VPS53: variants seen among roughly 807,000 people sequenced by gnomAD.
The protein encoded by VPS53 is vacuolar protein sorting-associated protein 53 homolog.
A neutral mutation model predicts 107.0 loss-of-function variants in VPS53; 70 were observed. The ratio of observed to expected loss-of-function variants is 0.65; its 90% CI spans 0.54 to 0.80. VPS53 has a LOEUF of 0.80. Ranked by LOEUF, VPS53 falls within the 30% of genes least tolerant of loss-of-function variation. The pLI is 0.00. For missense variants in VPS53, 917 were observed against 1,049.4 expected (o/e 0.87, Z 1.74); for synonymous variants, 409 against 393.3 (o/e 1.04, Z -0.47).
At chr17:588,091 G>A (rs181322775) in intron 12 of VPS53, among the ~76,000 whole-genome samples, 5 of 152,316 alleles carry the variant, frequency 3.3e-5, no homozygotes, top group South Asian at 2.1e-4. Flanking sequence ...GCCAAGGTGG[G>A]CGGATCACAA....
intron 4 of VPS53, among the ~76,000 whole-genome samples, chr17:662,815 AAGAAAG>A (rs1222482694): frequency 2.0e-5 from 3 of 149,028 alleles, no homozygotes; most frequent in East Asian, 2.1e-4. Flanking sequence ...GAAAAAAAGA[AAGAAAG>A]AGAAAGAGAA....
In VPS53 at chr17:512,492, A is replaced by T. The variant is rs1908009305; in HGVS notation, c.*6636T>A. ...TCCTTCATGTCCCACAGATCCATGGATCGCCGGCATCTTCCCTCCTGTTCA... is the reference window on the plus strand; with the variant it reads ...TCCTTCATGTCCCACAGATCCATGGTTCGCCGGCATCTTCCCTCCTGTTCA... On this transcript the variant is annotated 3_prime_UTR_variant, in exon 22 of 22. Transcript: ENST00000437048. 2 of 152,184 alleles carry T rather than the reference A, an allele frequency of 1.3e-5. No homozygotes were observed. Among genetic ancestry groups the T allele is most frequent in the Admixed American group, 6.5e-5 (1 of 15,280 alleles). 9.4% of individuals were successfully genotyped at this position (152,184 alleles called of 1,614,324 possible). A position where few individuals can be genotyped will look rare whatever the true frequency, so the allele number is the denominator to read the frequency against.
At chr17:596,591 A>G (rs1242031600) in intron 12 of VPS53, among the ~76,000 whole-genome samples, 2 of 152,236 alleles carry the variant, frequency 1.3e-5, no homozygotes, top group African/African-American at 4.8e-5. Flanking sequence ...ACTTCTAGTG[A>G]GCTGAAGCAA....
intron 7 of VPS53, among the ~76,000 whole-genome samples, chr17:640,184 T>C (rs898179440): frequency 6.6e-6 from 1 of 152,116 alleles, no homozygotes; most frequent in Non-Finnish European, 1.5e-5. Context: ...TCCGTGGGTG[T>C]GGGACCCGCC....
Position 615,973 on chromosome 17 carries a change from C to T in VPS53, c.1116+7560G>A, listed in dbSNP as rs141342306. The T allele has an allele frequency of 1.9e-3, 288 of 152,368 alleles. 1 individual carries two copies. The highest frequency in any genetic ancestry group is 6.4e-3 in the African/African-American group (268 of 41,562). The allele number at this position is 152,368 out of a possible 1,614,324, so 9.4% of individuals were successfully genotyped here. On this transcript the variant is annotated intron_variant, in intron 11 of 21. Transcript: ENST00000437048. ...GAATAAAGGTGAAGAAGGTCGTGCA[C>T]GGCCCACAATGAGATGATGGTGGGG...
At chr17:695,904 T>C (rs1972944274) in intron 4 of VPS53, among the ~76,000 whole-genome samples, 1 of 152,074 alleles carries the variant, frequency 6.6e-6, no homozygotes, top group Non-Finnish European at 1.5e-5. Flanking sequence ...AGGTAGACAA[T>C]ACGATCAAAC....
chr17:708,074 G>A (rs1469801112), intron 2 of VPS53, among the ~76,000 whole-genome samples: 1 of 152,098 alleles, frequency 6.6e-6, no homozygotes, highest in African/African-American at 2.4e-5. Context: ...CCAGCCCTAC[G>A]GGGCCTTGTG....
At chr17:709,904 T>G (rs1032945600) in intron 2 of VPS53, among the ~76,000 whole-genome samples, 1 of 152,102 alleles carries the variant, frequency 6.6e-6, no homozygotes, top group African/African-American at 2.4e-5. Flanking sequence ...CCCAGCACTT[T>G]AGGGGGCCAA....
At chr17:691,997 G>A (rs1972792240) in intron 4 of VPS53, among the ~76,000 whole-genome samples, 1 of 152,134 alleles carries the variant, frequency 6.6e-6, no homozygotes, top group East Asian at 1.9e-4. Flanking sequence ...AAGTGGGGAC[G>A]ACTTGTAATA....
chr17:646,264 G>A lies in VPS53; in HGVS notation c.608+7027C>T, dbSNP rs112645360. Among the ~76,000 whole-genome samples the A allele has an allele frequency of 1.7e-4, 19 of 111,642 alleles. 2 individuals carry two copies. The highest frequency in any genetic ancestry group is 5.2e-4 in the Admixed American group (5 of 9,574). 73.2% of individuals were successfully genotyped at this position (111,642 alleles called of 152,430 possible). ...TCTTATCTTTTCTAATCCATACCACGGACTGGAGATCGGCTCCCACACACA... is the reference window on the plus strand; with the variant it reads ...TCTTATCTTTTCTAATCCATACCACAGACTGGAGATCGGCTCCCACACACA... On this transcript the variant is annotated intron_variant, in intron 7 of 21. Transcript: ENST00000437048.
At chr17:633,554 A>T (rs1970051297) in intron 7 of VPS53, among the ~76,000 whole-genome samples, 1 of 152,090 alleles carries the variant, frequency 6.6e-6, no homozygotes, top group South Asian at 2.1e-4. Context: ...ACCCAAAACA[A>T]TCTGTTTTTT....
chr17:567,150 G>GCTTC (rs773440587), intron 13 of VPS53, among the ~76,000 whole-genome samples: 7 of 152,132 alleles, frequency 4.6e-5, no homozygotes, highest in Non-Finnish European at 7.4e-5. Context: ...TTACTTACTT[G>GCTTC]CTTCCTATTT....
At chr17:672,174 A>ACTCTCTCTCTCTCTCTCT (rs1567727983) in intron 4 of VPS53, among the ~76,000 whole-genome samples, 77 of 40,180 alleles carry the variant, frequency 1.9e-3, no homozygotes, top group South Asian at 4.0e-3. Context: ...ACACAATCTC[A>ACTCTCTCTCTCTCTCTCT]ATCTCTCTCT....
intron 4 of VPS53, among the ~76,000 whole-genome samples, chr17:668,438 C>T (rs1257543151): frequency 6.6e-6 from 1 of 152,206 alleles, no homozygotes; most frequent in African/African-American, 2.4e-5. Context: ...CAGGCCCAAC[C>T]ATGAGCAGTG....
At chr17:612,628 A>C (rs1968942692) in intron 11 of VPS53, among the ~76,000 whole-genome samples, 1 of 151,488 alleles carries the variant, frequency 6.6e-6, no homozygotes, top group African/African-American at 2.4e-5. Context: ...ATATTCATAT[A>C]GTGAGTTCAC....
At chr17:713,148 G>C (rs989205891) in intron 1 of VPS53, among the ~76,000 whole-genome samples, 1 of 151,550 alleles carries the variant, frequency 6.6e-6, no homozygotes, top group African/African-American at 2.4e-5. Context: ...GCTGCAGTGA[G>C]CTACGATTAT....
At chr17:654,668 C>T (rs1971105296) in intron 6 of VPS53, among the ~76,000 whole-genome samples, 2 of 141,182 alleles carry the variant, frequency 1.4e-5, no homozygotes, top group South Asian at 4.5e-4. Context: ...ACCCGGGAGG[C>T]GGAGCTTGCA....
At chr17:711,936 C>T (rs1973657016) in intron 1 of VPS53, among the ~76,000 whole-genome samples, 1 of 151,846 alleles carries the variant, frequency 6.6e-6, no homozygotes, top group Non-Finnish European at 1.5e-5. Context: ...CCTGTCTCAG[C>T]CTCTTGAGAA....
intron 18 of VPS53, 100 bp downstream of exon 18, chr17:536,928 T>C: frequency 1.4e-5 from 20 of 1,465,090 alleles, no homozygotes; most frequent in Non-Finnish European, 1.9e-5. Flanking sequence ...GAAATCTCTG[T>C]GCTTGCTGCT....
Sources: gnomAD v4.1 joint callset for allele counts (sites outside exome capture counted in the v4.1 genomes callset) on GRCh38, gnomAD v4.1.1 for gene constraint, MANE v1.5 for transcripts, NCBI Gene and HGNC (gene_info 2026-07-23, HGNC 2026-07-21) for gene names.